ZNF701: variants seen among roughly 807,000 people sequenced by gnomAD.
ZNF701 encodes zinc finger protein 701.
In ZNF701, 6 loss-of-function variants were observed where a neutral mutation model predicts 7.1. The observed-to-expected ratio is 0.84, with a 90% CI of 0.46 to 1.66. The LOEUF (loss-of-function observed/expected upper bound fraction) is 1.66. Ranked by LOEUF, ZNF701 falls within the 40% of genes most tolerant of loss-of-function variation. The probability of loss-of-function intolerance (pLI) is 0.01; values close to 1 mark genes in which losing one functional copy is unlikely to be tolerated. For synonymous variants in ZNF701, 166 were observed against 188.2 expected (o/e 0.88, Z 0.97); for missense variants, 541 against 559.2 (o/e 0.97, Z 0.33).
chr19:52,582,628 A>G lies in ZNF701; in HGVS notation c.569A>G (p.Asn190Ser), dbSNP rs1461755161. Reference sequence around the variant, plus strand: ...TGTAGGCCAAAAACTCGTATTTCTAATAAGTATAGGAATAATTTCCTCCAG... The same window carrying G: ...TGTAGGCCAAAAACTCGTATTTCTAGTAAGTATAGGAATAATTTCCTCCAG... Reference protein sequence around the residue: ...ISCRPKTRISNKYRNNFLQSS... With the variant: ...ISCRPKTRISSKYRNNFLQSS... The change falls in exon 4 of 4, where the codon AAT becomes AGT. Residue 190 changes from asparagine to serine, a missense_variant. Coordinates refer to ENST00000391785, the MANE Select transcript of ZNF701 (RefSeq NM_018260.3). 1.3e-5 allele frequency: 21 copies of G among 1,614,066 alleles called. No homozygotes were observed. The highest frequency in any genetic ancestry group is 1.7e-5 in the Non-Finnish European group (20 of 1,180,040).
rs1400494523 is a variant in ZNF701 at position 52,587,086 on chromosome 19, C to T, written c.*3629C>T. 1 of 152,160 alleles carries T rather than the reference C, an allele frequency of 6.6e-6. No homozygotes were observed. The highest frequency in any genetic ancestry group is 6.5e-5 in the Admixed American group (1 of 15,272). The allele number at this position is 152,160 out of a possible 1,614,324, so 9.4% of individuals were successfully genotyped here. ...CATTCCCTTACAGTCCTACACATCT[C>T]AGATGAGGGTGACAGTGTACTTCTG... On this transcript the variant is annotated 3_prime_UTR_variant, in exon 4 of 4. Transcript: ENST00000391785.
In ZNF701 at chr19:52,582,235, C is replaced by T. The variant is rs2146993338; in HGVS notation, c.176C>T (p.Ser59Leu). The T allele has an allele frequency of 6.3e-7, 1 of 1,589,324 alleles. No individual in the cohort carries two copies. The highest frequency in any genetic ancestry group is 8.6e-7 in the Non-Finnish European group (1 of 1,168,586). Residue 59 changes from serine (S) to leucine (L), a missense_variant, in exon 4 of 4, where the codon TCA (serine) becomes TTA (leucine). By Grantham distance (145) the Ser-to-Leu change is moderately radical (BLOSUM62 -2). Transcript: ENST00000391785. The part of the protein sequence containing the change: ...TSSKCMMKMF[S>L]STGQGNTEVV... ...TCCAAATGCATGATGAAGATGTTCT[C>T]ATCAACAGGACAAGGCAATACAGAA...
chr19:52,591,619 C>T (rs774470573), downstream of ZNF701, among the ~76,000 whole-genome samples: 5 of 152,100 alleles, frequency 3.3e-5, no homozygotes, highest in Non-Finnish European at 7.4e-5. Flanking sequence ...CTCCCAAGTA[C>T]CTGGGATTAG....
At chr19:52,598,411 T>A in the ZNF701 span, among the ~76,000 whole-genome samples, 1 of 151,934 alleles carries the variant, frequency 6.6e-6, no homozygotes, top group Non-Finnish European at 1.5e-5. Flanking sequence ...AGCTCCCCTC[T>A]GTCTGGGGCA....
intron 3 of ZNF701, among the ~76,000 whole-genome samples, chr19:52,580,497 T>G (rs2059968675): frequency 6.6e-6 from 1 of 152,094 alleles, no homozygotes; most frequent in Non-Finnish European, 1.5e-5. Flanking sequence ...AGTGCTGGGA[T>G]TACAGGCATG....
At chr19:52,594,702 AG>A in the ZNF701 span, among the ~76,000 whole-genome samples, 1 of 151,042 alleles carries the variant, frequency 6.6e-6, no homozygotes, top group Non-Finnish European at 1.5e-5. Context: ...TAATAGAGAC[AG>A]GGTTTCTCCA....
At chr19:52,587,754 A>G (rs564669720), downstream of ZNF701, among the ~76,000 whole-genome samples, 2 of 152,348 alleles carry the variant, frequency 1.3e-5, no homozygotes, top group East Asian at 3.9e-4. Context: ...GTTTTCAGGC[A>G]TTTTGCAAAT....
chr19:52,591,642 C>T (rs1299541206), downstream of ZNF701, among the ~76,000 whole-genome samples: 2 of 152,128 alleles, frequency 1.3e-5, no homozygotes, highest in African/African-American at 4.8e-5. Context: ...GTGGGCACCA[C>T]CACACCTGTG....
the ZNF701 span, among the ~76,000 whole-genome samples, chr19:52,599,367 G>A: frequency 6.6e-6 from 1 of 152,144 alleles, no homozygotes; most frequent in South Asian, 2.1e-4. Context: ...TTAAGGCTAT[G>A]GACTTTGAGA....
In ZNF701 at chr19:52,582,800, A is replaced by G. The variant is rs183892700; in HGVS notation, c.741A>G (p.Val247=). 4.3e-6 allele frequency: 7 copies of G among 1,614,224 alleles called. No individual in the cohort carries two copies. Among genetic ancestry groups the G allele is most frequent in the Middle Eastern group, 1.6e-4 (1 of 6,062 alleles). The change falls in exon 4 of 4, where the codon GTA becomes GTG. Residue 247 remains valine (V), a synonymous_variant. Transcript: ENST00000391785. The part of the protein sequence containing the change: ...HLGDKQYKCD[V]CGKDFHQKRY... ...GAGACAAACAGTATAAATGTGATGT[A>G]TGCGGCAAGGACTTTCATCAGAAGC... is the stretch of plus-strand genomic sequence containing the variant.
chr19:52,593,195 C>G, the ZNF701 span, among the ~76,000 whole-genome samples: 144 of 118,112 alleles, frequency 1.2e-3, 18 homozygotes, highest in South Asian at 8.1e-3. Context: ...ACACAGACAC[C>G]ACAACCATCC....
intron 1 of ZNF701, 127 bp downstream of exon 1, chr19:52,570,457 G>C (rs1334229831): frequency 6.6e-6 from 1 of 152,284 alleles, no homozygotes; most frequent in Non-Finnish European, 1.5e-5. Context: ...AGCAAATGCA[G>C]ACGTTCCCCT....
Position 52,585,090 on chromosome 19 carries a change from C to T in ZNF701, c.*1633C>T, listed in dbSNP as rs1039499853. 1.3e-5 allele frequency: 2 copies of T among 151,738 alleles called. No homozygotes were observed. Among genetic ancestry groups the T allele is most frequent in the Non-Finnish European group, 2.9e-5 (2 of 67,856 alleles). 9.4% of individuals were successfully genotyped at this position (151,738 alleles called of 1,614,324 possible). On this transcript the variant is annotated 3_prime_UTR_variant, in exon 4 of 4. Transcript: ENST00000391785. ...AAATTGAGACGTCCGGGTGGGAGTC[C>T]GTGAGTCTTTTCCTTTTGAGTTTAA...
chr19:52,588,495 A>G (rs1299827342), downstream of ZNF701: 1 of 263,034 alleles, frequency 3.8e-6, no homozygotes, highest in Non-Finnish European at 7.6e-6. Flanking sequence ...AAAAAAAAAA[A>G]AAAGAAAAAT....
In ZNF701 at chr19:52,582,724, A is replaced by G. The variant is rs754683493; in HGVS notation, c.665A>G (p.Lys222Arg). 6.3e-5 allele frequency: 102 copies of G among 1,614,074 alleles called. No individual in the cohort carries two copies. The highest frequency in any genetic ancestry group is 8.4e-5 in the Non-Finnish European group (99 of 1,180,024). The change falls in exon 4 of 4, where the codon AAA (lysine) becomes AGA (arginine). Residue 222 changes from lysine to arginine, a missense_variant. Coordinates refer to ENST00000391785, the MANE Select transcript of ZNF701 (RefSeq NM_018260.3). ...EKSFQRNESG[K>R]AFNGSSLLKK... The stretch of plus-strand genomic sequence containing the variant: ...TCTTTCCAACGTAATGAGAGTGGCA[A>G]AGCCTTTAATGGTAGCTCACTCTTA...
Position 52,584,285 on chromosome 19 carries a change from T to G in ZNF701, c.*828T>G, listed in dbSNP as rs364349. The stretch of plus-strand genomic sequence containing the variant: ...GAATTGACTTGAGTTTGAGTTGACT[T>G]AAAACATTCAGTTGAAGCATTAATT... On this transcript the variant is annotated 3_prime_UTR_variant, in exon 4 of 4. Coordinates refer to ENST00000391785, the MANE Select transcript of ZNF701 (RefSeq NM_018260.3). 20,299 of 221,304 alleles carry G rather than the reference T, an allele frequency of 0.092. 2,916 individuals are homozygous for G. The highest frequency in any genetic ancestry group is 0.36 in the African/African-American group (15,421 of 42,802). 13.7% of individuals were successfully genotyped at this position (221,304 alleles called of 1,614,324 possible).
chr19:52,595,745 A>G, the ZNF701 span: 2 of 1,582,626 alleles, frequency 1.3e-6, no homozygotes, highest in Middle Eastern at 1.7e-4. Flanking sequence ...CCCAGAAATC[A>G]AGAAAGATAT....
chr19:52,580,875 G>GT (rs2059970832), intron 3 of ZNF701, among the ~76,000 whole-genome samples: 2 of 148,554 alleles, frequency 1.3e-5, no homozygotes, highest in Admixed American at 6.7e-5. Flanking sequence ...TGTAATCCCA[G>GT]GACTTCGGGA....
At chr19:52,589,876 C>T (rs1300094687), downstream of ZNF701, among the ~76,000 whole-genome samples, 1 of 151,854 alleles carries the variant, frequency 6.6e-6, no homozygotes, top group Non-Finnish European at 1.5e-5. Flanking sequence ...CACCTCCAGC[C>T]TTTGTCACCT....
Sources: gnomAD v4.1 joint callset for allele counts (sites outside exome capture counted in the v4.1 genomes callset) on GRCh38, gnomAD v4.1.1 for gene constraint, MANE v1.5 for transcripts, NCBI Gene and HGNC (gene_info 2026-07-23, HGNC 2026-07-21) for gene names.